MACROD2: variants seen among roughly 807,000 people sequenced by gnomAD.
MACROD2 encodes the protein ADP-ribose glycohydrolase MACROD2.
Under a neutral mutation model 70.4 loss-of-function variants are expected in MACROD2, and 36 were observed. That is an observed-to-expected ratio of 0.51 (90% CI 0.39 to 0.68). MACROD2 has a LOEUF of 0.68. Among genes scored for constraint, MACROD2 ranks in the 30% least tolerant of loss-of-function variants. The pLI is 0.00. For missense variants in MACROD2, 496 were observed against 538.4 expected, an observed-to-expected ratio of 0.92 and a Z score of 0.78; for synonymous variants, 172 against 178.8, an observed-to-expected ratio of 0.96 and a Z score of 0.30.
intron 5 of MACROD2, among the ~76,000 whole-genome samples, chr20:15,086,882 G>A (rs1188581756): frequency 6.6e-6 from 1 of 152,104 alleles, no homozygotes; most frequent in Non-Finnish European, 1.5e-5. Flanking sequence ...TATTTGTGAG[G>A]TTATATAGCA....
intron 5 of MACROD2, among the ~76,000 whole-genome samples, chr20:14,799,577 G>T (rs771662395): frequency 2.0e-5 from 3 of 152,060 alleles, no homozygotes; most frequent in Non-Finnish European, 4.4e-5. Flanking sequence ...AATAGGCATG[G>T]CATTGCCGCT....
chr20:15,544,690 G>A (rs976881079), intron 8 of MACROD2, among the ~76,000 whole-genome samples: 1 of 152,198 alleles, frequency 6.6e-6, no homozygotes, highest in Non-Finnish European at 1.5e-5. Flanking sequence ...AGCCTTCCTA[G>A]TGTAACTTAG....
At chr20:15,459,186 T>C (rs1421778964) in intron 7 of MACROD2, among the ~76,000 whole-genome samples, 2 of 152,106 alleles carry the variant, frequency 1.3e-5, no homozygotes, top group African/African-American at 2.4e-5. Context: ...AATTTTTCCA[T>C]GATAAAAATT....
intron 4 of MACROD2, among the ~76,000 whole-genome samples, chr20:14,661,962 T>C (rs955065395): frequency 2.0e-5 from 3 of 152,064 alleles, no homozygotes; most frequent in African/African-American, 7.2e-5. Flanking sequence ...TAAGCAATTG[T>C]GAGAAACGGT....
intron 5 of MACROD2, among the ~76,000 whole-genome samples, chr20:15,227,393 C>T (rs985975766): frequency 2.0e-5 from 3 of 151,736 alleles, no homozygotes; most frequent in East Asian, 1.9e-4. Flanking sequence ...CTTCCTCCCT[C>T]GCCCCCGTTA....
At chr20:15,634,413 T>C (rs1045192724) in intron 8 of MACROD2, among the ~76,000 whole-genome samples, 1 of 152,216 alleles carries the variant, frequency 6.6e-6, no homozygotes, top group African/African-American at 2.4e-5. Flanking sequence ...TCTGATCCCA[T>C]GTGTTTGTTT....
chr20:14,827,456 G>A (rs185119117), intron 5 of MACROD2, among the ~76,000 whole-genome samples: 7 of 152,144 alleles, frequency 4.6e-5, no homozygotes, highest in African/African-American at 1.4e-4. Context: ...TACATGGTAC[G>A]TGGTTTTATT....
chr20:15,132,968 AT>A (rs2076117836), intron 5 of MACROD2, among the ~76,000 whole-genome samples: 1 of 152,092 alleles, frequency 6.6e-6, no homozygotes, highest in Non-Finnish European at 1.5e-5. Flanking sequence ...CCTTCAGTAA[AT>A]AATGTGGAAT....
chr20:15,766,507 G>A (rs940189426), intron 8 of MACROD2, among the ~76,000 whole-genome samples: 4 of 152,106 alleles, frequency 2.6e-5, no homozygotes, highest in Admixed American at 6.5e-5. Flanking sequence ...AGTTAATGGC[G>A]GGCATTACTA....
chr20:15,840,089 T>C (rs1164959424), intron 8 of MACROD2, among the ~76,000 whole-genome samples: 1 of 152,196 alleles, frequency 6.6e-6, no homozygotes, highest in Non-Finnish European at 1.5e-5. Context: ...TATTCACTCC[T>C]AAAATTTTCT....
rs1025818256 is a variant in MACROD2, at chr20:15,903,849, A to G, written c.775+18038A>G. Among the ~76,000 whole-genome samples, 8 of 152,192 alleles carry G rather than the reference A, an allele frequency of 5.3e-5. No homozygotes were observed. In the South Asian group the frequency reaches 6.2e-4, roughly 12 times the overall value. Reference sequence around the variant, plus strand: ...AGAGTTTATTGGAGCAAGGGATACTAATGGCTTGATCCAAGTAGCAGCGAA... The same window carrying G: ...AGAGTTTATTGGAGCAAGGGATACTGATGGCTTGATCCAAGTAGCAGCGAA... On this transcript the variant is annotated intron_variant, in intron 10 of 17. Transcript: ENST00000684519.
At chr20:15,783,961 T>A (rs1289305315) in intron 8 of MACROD2, among the ~76,000 whole-genome samples, 1 of 152,224 alleles carries the variant, frequency 6.6e-6, no homozygotes, top group African/African-American at 2.4e-5. Context: ...TGGCTACCTA[T>A]GTCTCAGTTC....
intron 3 of MACROD2, among the ~76,000 whole-genome samples, chr20:14,160,340 C>T (rs1166006961): frequency 2.0e-5 from 3 of 152,118 alleles, no homozygotes; most frequent in Non-Finnish European, 2.9e-5. Context: ...GGCATTGAAG[C>T]CATTTGGTCC....
At chr20:15,381,346 G>A (rs2045641694) in intron 6 of MACROD2, among the ~76,000 whole-genome samples, 1 of 151,798 alleles carries the variant, frequency 6.6e-6, no homozygotes, top group African/African-American at 2.4e-5. Context: ...CACCGAGAGA[G>A]CACAGACTAT....
At chr20:15,300,928 G>T (rs1042324218) in intron 6 of MACROD2, among the ~76,000 whole-genome samples, 1 of 152,176 alleles carries the variant, frequency 6.6e-6, no homozygotes, top group African/African-American at 2.4e-5. Context: ...GATTTCCCCC[G>T]TCTCAGCTAG....
intron 5 of MACROD2, among the ~76,000 whole-genome samples, chr20:14,831,669 A>C (rs1049249551): frequency 6.7e-6 from 1 of 149,148 alleles, no homozygotes; most frequent in Non-Finnish European, 1.5e-5. Context: ...AATCCCGGCT[A>C]CTCAGGAGGC....
rs563000197 is a variant in MACROD2, at chr20:14,938,667, G to A, written c.418+253708G>A. 8.7e-4 allele frequency among the ~76,000 whole-genome samples: 132 copies of A among 152,160 alleles called. 1 individual carries two copies. Among genetic ancestry groups the A allele is most frequent in the African/African-American group, 3.0e-3 (125 of 41,518 alleles). ...TTGATGGCAGGTGCCTGTAATCCCA[G>A]CTACTAAGGAGGCTGGGGCGGGAGG... On this transcript the variant is annotated intron_variant, in intron 5 of 17. Coordinates refer to ENST00000684519, the MANE Select transcript of MACROD2 (RefSeq NM_001351661.2).
At chr20:14,193,701 A>G (rs1361113905) in intron 3 of MACROD2, among the ~76,000 whole-genome samples, 2 of 152,194 alleles carry the variant, frequency 1.3e-5, no homozygotes, top group Admixed American at 6.5e-5. Flanking sequence ...CATTGATTGA[A>G]GCAGGGTGGG....
intron 5 of MACROD2, among the ~76,000 whole-genome samples, chr20:15,170,841 C>T (rs6043123): frequency 0.078 from 11,877 of 152,244 alleles, 607 homozygotes; most frequent in African/African-American, 0.12. Context: ...GTTGAAAATA[C>T]CAAGTGTTCC....
Sources: allele counts gnomAD v4.1 joint callset (sites outside exome capture counted in the v4.1 genomes callset), GRCh38; gene constraint gnomAD v4.1.1; transcripts MANE v1.5; gene names NCBI Gene and HGNC (gene_info 2026-07-23, HGNC 2026-07-21).